DNAH8: variants seen among roughly 807,000 people sequenced by gnomAD.
DNAH8 encodes the protein axonemal beta dynein heavy chain 8.
A neutral mutation model predicts 562.1 loss-of-function variants in DNAH8; 382 were observed. The ratio of observed to expected loss-of-function variants is 0.68; its 90% CI spans 0.63 to 0.74. The LOEUF (loss-of-function observed/expected upper bound fraction) is 0.74. Among genes scored for constraint, DNAH8 ranks in the 30% least tolerant of loss-of-function variants. The pLI, the probability that DNAH8 is intolerant of heterozygous loss-of-function variation, is 0.00. For synonymous variants in DNAH8, 1,881 were observed against 1,919.4 expected (o/e 0.98, Z 0.52); for missense variants, 5,203 against 5,620.4 (o/e 0.93, Z 2.37).
At chr6:38,876,727 A>C (rs1439378513) in intron 53 of DNAH8, among the ~76,000 whole-genome samples, 2 of 152,168 alleles carry the variant, frequency 1.3e-5, no homozygotes, top group African/African-American at 4.8e-5. Context: ...CCGCTTTCCA[A>C]AGCCCTGCTG....
chr6:38,888,952 C>T (rs1044105987), intron 57 of DNAH8, among the ~76,000 whole-genome samples: 10 of 152,148 alleles, frequency 6.6e-5, no homozygotes, highest in African/African-American at 2.4e-4. Flanking sequence ...CTTTTCTATC[C>T]GGACATCATA....
At chr6:38,715,961 T>TATATATATATA (rs1491204029) in intron 1 of DNAH8, among the ~76,000 whole-genome samples, 3 of 20,050 alleles carry the variant, frequency 1.5e-4, no homozygotes, top group Non-Finnish European at 1.8e-4. Context: ...TATATATATA[T>TATATATATATA]TTTTTTTTTT....
chr6:38,997,521 G>A, intron 88 of DNAH8, among the ~76,000 whole-genome samples: 1 of 152,162 alleles, frequency 6.6e-6, no homozygotes, highest in Non-Finnish European at 1.5e-5. Flanking sequence ...AGTTCTGTTG[G>A]GGGCATGTTG....
chr6:38,996,709 C>T (rs974636587), intron 88 of DNAH8, among the ~76,000 whole-genome samples: 2 of 152,092 alleles, frequency 1.3e-5, no homozygotes, highest in Admixed American at 6.5e-5. Flanking sequence ...TAGGACTTAG[C>T]GAATGCAGAG....
chr6:38,919,900 T>C (rs2060092680), intron 70 of DNAH8, among the ~76,000 whole-genome samples: 1 of 152,128 alleles, frequency 6.6e-6, no homozygotes, highest in South Asian at 2.1e-4. Context: ...TACATACACA[T>C]GAAATTTAAG....
chr6:38,784,957 G>C (rs1427240397), intron 17 of DNAH8, among the ~76,000 whole-genome samples: 1 of 152,192 alleles, frequency 6.6e-6, no homozygotes, highest in Non-Finnish European at 1.5e-5. Context: ...AGACAATCTT[G>C]ATGAGTAATA....
At chr6:38,792,035 C>T (rs1769800292) in intron 21 of DNAH8, among the ~76,000 whole-genome samples, 1 of 152,136 alleles carries the variant, frequency 6.6e-6, no homozygotes, top group South Asian at 2.1e-4. Context: ...ATCATCTAGA[C>T]TTCTTTCCTC....
rs970547854 is a variant in DNAH8, at chr6:39,012,614, T to C, written c.13691T>C (p.Met4564Thr). 8 of 1,613,922 alleles carry C rather than the reference T, an allele frequency of 5.0e-6. No individual in the cohort carries two copies. The highest frequency in any genetic ancestry group is 6.8e-6 in the Non-Finnish European group (8 of 1,179,896). The change falls in exon 91 of 93, where the codon ATG becomes ACG. Residue 4564 changes from methionine (M) to threonine (T), a missense_variant. Physicochemically the swap from Met to Thr is moderately conservative, Grantham distance 81. Around this residue, in one of 6 missense-constraint regions of DNAH8, gnomAD observed 1,399 missense variants for 1,518.4 expected, o/e 0.92. Transcript: ENST00000327475. ...GAAGGGAGGCCTAATGTGTTTTGGA[T>C]GACTGGTTTCTTTAATCCCCAAGGT... Reference protein sequence around the residue: ...IFEGRPNVFWMTGFFNPQGFL... With the variant: ...IFEGRPNVFWTTGFFNPQGFL...
intron 42 of DNAH8, among the ~76,000 whole-genome samples, 171 bp downstream of exon 42, chr6:38,857,913 A>G (rs1776330288): frequency 1.3e-5 from 2 of 152,214 alleles, no homozygotes; most frequent in South Asian, 4.1e-4. Flanking sequence ...TTAAACAACC[A>G]TATTATATAT....
intron 62 of DNAH8, among the ~76,000 whole-genome samples, chr6:38,903,853 A>G (rs1583313294): frequency 6.6e-6 from 1 of 151,850 alleles, no homozygotes. Flanking sequence ...CTTGTGATCC[A>G]CCTGCCTCAG....
intron 88 of DNAH8, among the ~76,000 whole-genome samples, chr6:38,997,794 G>GA (rs1400653952): frequency 6.6e-6 from 1 of 152,138 alleles, no homozygotes; most frequent in Non-Finnish European, 1.5e-5. Context: ...GTCTTACCCT[G>GA]TTGCCCAAGC....
rs774252886 is a variant in DNAH8 at position 38,909,684 on chromosome 6, T to G, written c.9680T>G (p.Val3227Gly). Residue 3227 changes from valine (V) to glycine (G), a missense_variant, in exon 65 of 93, where the codon GTA becomes GGA. This residue lies in a region of DNAH8 where 977 missense variants were observed against 1,061.8 expected (regional missense o/e 0.92). Transcript: ENST00000327475. ...TCTAGTGAAATTAAAAGACAAGTTGTAGAAACAATGGGCCTGTTTCATGAC... is the reference window on the plus strand; with the variant it reads ...TCTAGTGAAATTAAAAGACAAGTTGGAGAAACAATGGGCCTGTTTCATGAC... ...VCSSEIKRQVVETMGLFHDMV... is the reference protein window; with the variant it reads ...VCSSEIKRQVGETMGLFHDMV... 1 of 1,614,130 alleles carries G rather than the reference T, an allele frequency of 6.2e-7. No homozygotes were observed. The highest frequency in any genetic ancestry group is 1.1e-5 in the South Asian group (1 of 91,078).
chr6:38,875,482 T>C (rs915617602), intron 52 of DNAH8, 109 bp from the exon 53 acceptor site: 3 of 657,066 alleles, frequency 4.6e-6, no homozygotes, highest in Middle Eastern at 4.2e-4. Context: ...GCTTGAGATA[T>C]ATCTATTTTT....
At chr6:39,017,609 T>C (rs991774954) in intron 91 of DNAH8, among the ~76,000 whole-genome samples, 1 of 152,186 alleles carries the variant, frequency 6.6e-6, no homozygotes, top group Admixed American at 6.5e-5. Context: ...CTTGATGCCA[T>C]TTAGATGCCA....
intron 85 of DNAH8, among the ~76,000 whole-genome samples, chr6:38,981,736 T>C (rs1414241980): frequency 6.6e-6 from 1 of 152,216 alleles, no homozygotes; most frequent in Non-Finnish European, 1.5e-5. Context: ...TTGTTGAGCA[T>C]CTACTGCATT....
At chr6:38,982,242 T>C in intron 85 of DNAH8, 104 bp from the exon 86 acceptor site, 1 of 644,716 alleles carries the variant, frequency 1.6e-6, no homozygotes, top group Non-Finnish European at 2.9e-6. Flanking sequence ...TTTAAACTAA[T>C]GTCAATTTAT....
At position 38,971,488 on chromosome 6, in the gene DNAH8, A is replaced by G. The variant is rs1189604490; in HGVS notation, c.12452-104A>G. The G allele has an allele frequency of 9.3e-6, 5 of 536,144 alleles. No individual in the cohort carries two copies. The Admixed American group carries it at 2.3e-4, about 24-fold the overall frequency. The allele number at this position is 536,144 out of a possible 1,614,324, so 33.2% of individuals were successfully genotyped here. Reference sequence around the variant, plus strand: ...ACAGCAAAGATTTTTTTTTTTTTTTAGAAACAATAGAAGGAGGCTATAATC... The same window carrying G: ...ACAGCAAAGATTTTTTTTTTTTTTTGGAAACAATAGAAGGAGGCTATAATC... On this transcript the variant is annotated intron_variant, in intron 82 of 92. Transcript: ENST00000327475.
intron 88 of DNAH8, among the ~76,000 whole-genome samples, chr6:39,003,832 A>G (rs1159756402): frequency 2.6e-5 from 4 of 152,330 alleles, no homozygotes; most frequent in South Asian, 4.1e-4. Flanking sequence ...CTTATTAAAC[A>G]TTGAATAAAT....
intron 81 of DNAH8, 42 bp downstream of exon 81, chr6:38,949,612 T>C: frequency 8.7e-7 from 1 of 1,155,048 alleles, no homozygotes; most frequent in South Asian, 1.3e-5. Context: ...TCACTCATAA[T>C]ATTGCTAAAT....
Sources: gnomAD v4.1 joint callset for allele counts (sites outside exome capture counted in the v4.1 genomes callset) on GRCh38, gnomAD v4.1.1 for gene constraint, gnomAD v4.1.1 regional missense constraint, MANE v1.5 for transcripts, NCBI Gene and HGNC (gene_info 2026-07-23, HGNC 2026-07-21) for gene names.